PVT1: variants seen among roughly 807,000 people sequenced by gnomAD.
PVT1 encodes CXCR4/PVT1 fusion.
intron 2 of PVT1, among the ~76,000 whole-genome samples, chr8:127,831,084 C>CTCCT (rs1222434761): frequency 6.6e-5 from 10 of 150,992 alleles, no homozygotes; most frequent in African/African-American, 2.0e-4. Flanking sequence ...ATAGATAAAA[C>CTCCT]TCCTCTTTAT....
At chr8:128,033,764 C>A (rs962822088) in intron 4 of PVT1, among the ~76,000 whole-genome samples, 1 of 152,226 alleles carries the variant, frequency 6.6e-6, no homozygotes, top group African/African-American at 2.4e-5. Context: ...GTAGTTGGAG[C>A]TGCTTCCCCT....
chr8:127,822,526 G>A (rs910401968), intron 2 of PVT1, among the ~76,000 whole-genome samples: 1 of 152,182 alleles, frequency 6.6e-6, no homozygotes, highest in African/African-American at 2.4e-5. Context: ...GCAGTGAGCT[G>A]AGATCACGCT....
At chr8:128,060,431 A>G (rs543588528) in intron 4 of PVT1, among the ~76,000 whole-genome samples, 4 of 152,364 alleles carry the variant, frequency 2.6e-5, no homozygotes, top group Admixed American at 2.6e-4. Flanking sequence ...TGTCAGGACT[A>G]AATGTGGTTT....
At chr8:128,065,557 TCTGAAACTTGGCC>T (rs2130127644) in intron 4 of PVT1, among the ~76,000 whole-genome samples, 1 of 152,252 alleles carries the variant, frequency 6.6e-6, no homozygotes, top group African/African-American at 2.4e-5. Context: ...CTCAGGCCAG[TCTGAAACTTGGCC>T]CTGAACCCTG....
At chr8:127,964,905 A>C (rs10107607) in intron 3 of PVT1, among the ~76,000 whole-genome samples, 96,613 of 152,124 alleles carry the variant, frequency 0.64, 30,986 homozygotes, top group South Asian at 0.8. Flanking sequence ...AAGCCATTGT[A>C]CTGCCTCAGC....
chr8:127,861,512 C>G (rs988742227), intron 2 of PVT1, among the ~76,000 whole-genome samples: 1 of 152,152 alleles, frequency 6.6e-6, no homozygotes, highest in Non-Finnish European at 1.5e-5. Context: ...GCAATAGTCA[C>G]CCTTAACATC....
At chr8:127,849,684 C>A (rs1341468572) in intron 2 of PVT1, among the ~76,000 whole-genome samples, 1 of 143,562 alleles carries the variant, frequency 7.0e-6, no homozygotes, top group East Asian at 2.0e-4. Context: ...GGGTGCACAG[C>A]CTGTACATAT....
chr8:127,957,726 G>C (rs1420208441), intron 3 of PVT1, among the ~76,000 whole-genome samples: 2 of 152,264 alleles, frequency 1.3e-5, no homozygotes. Flanking sequence ...CCGGTCCTGG[G>C]AGCGAGTGTT....
chr8:127,861,981 C>G (rs913771544), intron 2 of PVT1, among the ~76,000 whole-genome samples: 1 of 152,226 alleles, frequency 6.6e-6, no homozygotes, highest in Admixed American at 6.5e-5. Context: ...TTAATAGGGT[C>G]TTGATGCATT....
intron 6 of PVT1, among the ~76,000 whole-genome samples, chr8:128,098,822 C>A (rs1027274800): frequency 6.6e-6 from 1 of 152,102 alleles, no homozygotes; most frequent in Non-Finnish European, 1.5e-5. Context: ...GCCCAGGCCT[C>A]GGGACCCCCA....
At chr8:128,095,733 G>A (rs185963027) in intron 5 of PVT1, among the ~76,000 whole-genome samples, 12 of 152,366 alleles carry the variant, frequency 7.9e-5, no homozygotes, top group Admixed American at 2.0e-4. Flanking sequence ...GGGTAACCCT[G>A]TCTGAGGATG....
chr8:128,069,309 T>G (rs944172748), intron 4 of PVT1, among the ~76,000 whole-genome samples: 1 of 152,220 alleles, frequency 6.6e-6, no homozygotes, highest in Admixed American at 6.5e-5. Flanking sequence ...GCTTGTCTTA[T>G]TCAGTTAAAC....
intron 2 of PVT1, among the ~76,000 whole-genome samples, chr8:127,855,810 T>C (rs865894821): frequency 4.6e-5 from 7 of 152,218 alleles, no homozygotes; most frequent in African/African-American, 1.7e-4. Flanking sequence ...AATGAAAATG[T>C]CTGGCTTCCC....
At chr8:128,022,889 CAG>C (rs1817454744) in intron 4 of PVT1, among the ~76,000 whole-genome samples, 1 of 136,566 alleles carries the variant, frequency 7.3e-6, no homozygotes, top group East Asian at 2.2e-4. Context: ...TTTTTTAAGA[CAG>C]AGTCCCGCTC....
At chr8:127,950,281 C>T (rs796075406) in intron 3 of PVT1, among the ~76,000 whole-genome samples, 4 of 152,328 alleles carry the variant, frequency 2.6e-5, no homozygotes, top group South Asian at 2.1e-4. Context: ...AGCCCCGTGG[C>T]GGCATGCTGT....
chr8:128,037,513 G>A (rs909424013), intron 4 of PVT1, among the ~76,000 whole-genome samples: 2 of 152,206 alleles, frequency 1.3e-5, no homozygotes, highest in Admixed American at 6.5e-5. Context: ...AAAGGGAAGT[G>A]GGGGACAGCC....
At chr8:128,072,822 A>ATTTTAT (rs1304415252) in intron 5 of PVT1, among the ~76,000 whole-genome samples, 2 of 151,684 alleles carry the variant, frequency 1.3e-5, no homozygotes, top group African/African-American at 4.8e-5. Flanking sequence ...ATTTTATTTT[A>ATTTTAT]TTTTATTTTT....
At chr8:127,828,070 T>C (rs1563615787) in intron 2 of PVT1, among the ~76,000 whole-genome samples, 1 of 152,162 alleles carries the variant, frequency 6.6e-6, no homozygotes, top group Non-Finnish European at 1.5e-5. Flanking sequence ...ATTGATCCCA[T>C]GGTGAGGGGT....
chr8:127,878,319 G>A (rs1815428743), intron 2 of PVT1, among the ~76,000 whole-genome samples: 1 of 152,162 alleles, frequency 6.6e-6, no homozygotes. Flanking sequence ...TGATTAAATG[G>A]GAGCTTTTCC....
Sources: allele counts gnomAD v4.1 joint callset (sites outside exome capture counted in the v4.1 genomes callset), GRCh38; gene constraint gnomAD v4.1.1; transcripts MANE v1.5; gene names NCBI Gene and HGNC (gene_info 2026-07-23, HGNC 2026-07-21).